Variants in REV3L observed in about 807,000 individuals in gnomAD.
The protein encoded by REV3L is DNA polymerase zeta catalytic subunit.
A neutral mutation model predicts 299.4 loss-of-function variants in REV3L; 69 were observed. That is an observed-to-expected ratio of 0.23 (90% CI 0.19 to 0.28). The LOEUF is 0.28. Ranked by LOEUF, REV3L falls within the 10% of genes least tolerant of loss-of-function variation. The probability of loss-of-function intolerance (pLI) is 1.00; values close to 1 mark genes in which losing one functional copy is unlikely to be tolerated. For synonymous variants in REV3L, 1,238 were observed against 1,271.4 expected (o/e 0.97, Z 0.56); for missense variants, 3,128 against 3,693.8 (o/e 0.85, Z 3.97).
chr6:111,329,826 A>T, intron 24 of REV3L, 88 bp from the exon 25 acceptor site: 1 of 964,916 alleles, frequency 1.0e-6, no homozygotes, highest in South Asian at 1.4e-5. Context: ...AATAATGGCC[A>T]ACTGTCAGGA....
chr6:111,300,895 A>G (rs1026451569), intron 31 of REV3L, among the ~76,000 whole-genome samples: 1 of 152,248 alleles, frequency 6.6e-6, no homozygotes, highest in Non-Finnish European at 1.5e-5. Context: ...CCTTGAAAAG[A>G]ACAGGATAAC....
rs746427962 is a variant in REV3L, at chr6:111,474,981, C to CTATATA, written c.139+7763_139+7768dup. Among the ~76,000 whole-genome samples, 194 of 108,134 alleles carry CTATATA rather than the reference C, an allele frequency of 1.8e-3. 1 individual carries two copies. Among genetic ancestry groups the CTATATA allele is most frequent in the African/African-American group, 4.6e-3 (167 of 36,434 alleles). The allele number at this position is 108,134 out of a possible 152,430, so 70.9% of individuals were successfully genotyped here. ...CATGCACATTACATTCTATAGCTGC[C>CTATATA]TATATATACACACACACACACACAC... is the stretch of plus-strand genomic sequence containing the variant. On this transcript the variant is annotated intron_variant, in intron 1 of 31. Coordinates refer to ENST00000368802, the MANE Select transcript of REV3L (RefSeq NM_001372078.1).
At position 111,307,570 on chromosome 6, in the gene REV3L, T is replaced by C. The variant is rs369757323; in HGVS notation, c.9043A>G (p.Ile3015Val). The C allele has an allele frequency of 9.3e-6, 15 of 1,614,014 alleles. No homozygotes were observed. The highest frequency in any genetic ancestry group is 1.3e-5 in the Non-Finnish European group (15 of 1,180,004). The change falls in exon 31 of 32, where the codon ATC becomes GTC. Residue 3015 changes from isoleucine to valine, a missense_variant and splice_region_variant. By Grantham distance (29) the Ile-to-Val change is conservative. Coordinates refer to ENST00000368802, the MANE Select transcript of REV3L (RefSeq NM_001372078.1). The part of the protein sequence containing the change: ...VFSWYHELPR[I>V]HKATSSSRSE... ...CGCGAGGAGCTGGTAGCTTTATGGA[T>C]CTATAAAAACATCCATTCAGAAGTA...
At chr6:111,383,388 T>G (rs1407914910) in intron 9 of REV3L, among the ~76,000 whole-genome samples, 10 of 152,064 alleles carry the variant, frequency 6.6e-5, no homozygotes, top group Admixed American at 5.9e-4. Flanking sequence ...ACCTATAGAC[T>G]CCACCAAAAA....
At chr6:111,313,795 C>G (rs1223143781) in intron 27 of REV3L, among the ~76,000 whole-genome samples, 2 of 152,204 alleles carry the variant, frequency 1.3e-5, no homozygotes, top group East Asian at 3.8e-4. Context: ...TTTTCCGGAT[C>G]TATCTCCTGC....
At chr6:111,482,726 GC>G in intron 1 of REV3L, 23 bp downstream of exon 1, 1 of 1,315,300 alleles carries the variant, frequency 7.6e-7, no homozygotes. Context: ...TCCCGCTCCC[GC>G]CCCGCGCCCG....
chr6:111,408,102 GA>G (rs1205997232), intron 3 of REV3L, among the ~76,000 whole-genome samples: 8 of 152,194 alleles, frequency 5.3e-5, no homozygotes, highest in Non-Finnish European at 1.0e-4. Flanking sequence ...AGAAAGACGG[GA>G]ATAGCCGACA....
At chr6:111,451,578 TTGCCTTCTACTGATACTC>T (rs1459062527) in intron 1 of REV3L, among the ~76,000 whole-genome samples, 1 of 152,114 alleles carries the variant, frequency 6.6e-6, no homozygotes, top group East Asian at 1.9e-4. Flanking sequence ...TAGCTCTGTG[TTGCCTTCTACTGATACTC>T]TGCCTATATT....
chr6:111,399,185 A>G (rs994467234), intron 4 of REV3L, among the ~76,000 whole-genome samples: 4 of 152,238 alleles, frequency 2.6e-5, no homozygotes, highest in African/African-American at 9.6e-5. Flanking sequence ...TCTAATGTAT[A>G]TACTCTAGAA....
At chr6:111,465,745 C>CAAAAAAAAAAAAAAAAA (rs376561912) in intron 1 of REV3L, among the ~76,000 whole-genome samples, 12 of 76,778 alleles carry the variant, frequency 1.6e-4, no homozygotes, top group South Asian at 6.1e-4. Flanking sequence ...AAACAAAAAC[C>CAAAAAAAAAAAAAAAAA]AAAAAAAAAA....
intron 22 of REV3L, 33 bp from the exon 23 acceptor site, chr6:111,333,400 AAC>A (rs745599513): frequency 1.2e-6 from 2 of 1,608,992 alleles, no homozygotes; most frequent in Admixed American, 3.3e-5. Flanking sequence ...GAAGAGAAGA[AAC>A]ACAGTTAAAT....
At chr6:111,333,439 T>C (rs955405959) in intron 22 of REV3L, 72 bp from the exon 23 acceptor site, 3 of 1,546,428 alleles carry the variant, frequency 1.9e-6, no homozygotes, top group Non-Finnish European at 2.6e-6. Flanking sequence ...TATATAATCA[T>C]TTGAGGATAA....
chr6:111,457,223 T>C (rs1406966903), intron 1 of REV3L, among the ~76,000 whole-genome samples: 2 of 152,076 alleles, frequency 1.3e-5, no homozygotes, highest in African/African-American at 4.8e-5. Flanking sequence ...AGCTACTTGA[T>C]AATAGGTAAT....
intron 2 of REV3L, among the ~76,000 whole-genome samples, chr6:111,415,245 TCC>T: frequency 6.6e-6 from 1 of 152,228 alleles, no homozygotes; most frequent in South Asian, 2.1e-4. Flanking sequence ...GTCCCAGTCC[TCC>T]AAGAAGTAAA....
Position 111,376,135 on chromosome 6 carries a change from A to G in REV3L, c.2220T>C (p.Phe740=), listed in dbSNP as rs1200173698. ...TALSSLFPSS[F]TENCELLSCS... The stretch of plus-strand genomic sequence containing the variant: ...ATGACAGTAATTCACAATTTTCAGT[A>G]AATGATGAAGGGAATAAACTACTCA... Residue 740 remains phenylalanine (F), a synonymous_variant, in exon 13 of 32, where the codon TTT becomes TTC. Coordinates refer to ENST00000368802, the MANE Select transcript of REV3L (RefSeq NM_001372078.1). The G allele has an allele frequency of 6.2e-7, 1 of 1,612,982 alleles. No homozygotes were observed. Among genetic ancestry groups the G allele is most frequent in the Non-Finnish European group, 8.5e-7 (1 of 1,179,920 alleles).
At chr6:111,301,924 G>A (rs1243293686) in intron 31 of REV3L, among the ~76,000 whole-genome samples, 1 of 152,204 alleles carries the variant, frequency 6.6e-6, no homozygotes, top group Non-Finnish European at 1.5e-5. Context: ...CCTGAATAGT[G>A]TAGACAAGTG....
chr6:111,348,332 T>C (rs902993627), intron 20 of REV3L, among the ~76,000 whole-genome samples: 2 of 152,160 alleles, frequency 1.3e-5, no homozygotes, highest in African/African-American at 2.4e-5. Context: ...ATCTTACTTT[T>C]TGTGTGTGAA....
At chr6:111,305,425 TA>T (rs1028996021) in intron 31 of REV3L, among the ~76,000 whole-genome samples, 4 of 149,980 alleles carry the variant, frequency 2.7e-5, no homozygotes, top group East Asian at 3.9e-4. Flanking sequence ...ACCCGATGTC[TA>T]AAAAAAAATA....
chr6:111,393,279 A>T (rs1362316606), intron 4 of REV3L, among the ~76,000 whole-genome samples: 7 of 152,120 alleles, frequency 4.6e-5, no homozygotes, highest in Non-Finnish European at 2.9e-5. Context: ...GGCCTCCCAA[A>T]GTGCTGGGAT....
Sources: gnomAD v4.1 joint callset for allele counts (sites outside exome capture counted in the v4.1 genomes callset) on GRCh38, gnomAD v4.1.1 for gene constraint, MANE v1.5 for transcripts, NCBI Gene and HGNC (gene_info 2026-07-23, HGNC 2026-07-21) for gene names.